The following NKX6-3 variants were observed in gnomAD, a reference collection of about 807,000 sequenced individuals.
NKX6-3 encodes NK6 homeobox 3.
A neutral mutation model predicts 22.0 loss-of-function variants in NKX6-3; 17 were observed. That is an observed-to-expected ratio of 0.77 (90% CI 0.53 to 1.16). The LOEUF (loss-of-function observed/expected upper bound fraction) is 1.16. NKX6-3 is among the 50% of genes most tolerant of loss of function. The pLI, the probability that NKX6-3 is intolerant of heterozygous loss-of-function variation, is 0.00. For synonymous variants in NKX6-3, 177 were observed against 167.2 expected (o/e 1.06, Z -0.45); for missense variants, 363 against 359.0 (o/e 1.01, Z -0.09).
intron 1 of NKX6-3, among the ~76,000 whole-genome samples, chr8:41,649,656 C>G (rs1014765487): frequency 6.6e-6 from 1 of 152,186 alleles, no homozygotes; most frequent in Non-Finnish European, 1.5e-5. Context: ...GGTCAGGGTG[C>G]GTTCTGCACC....
At chr8:41,648,662 A>C (rs1804258410) in intron 1 of NKX6-3, among the ~76,000 whole-genome samples, 1 of 152,226 alleles carries the variant, frequency 6.6e-6, no homozygotes. Flanking sequence ...CTTGCTCTTG[A>C]GACTCAACTT....
At chr8:41,649,216 G>A (rs181216898) in intron 1 of NKX6-3, among the ~76,000 whole-genome samples, 76 of 152,312 alleles carry the variant, frequency 5.0e-4, no homozygotes, top group Admixed American at 4.2e-3. Context: ...CACTGTGACC[G>A]GCAAGGCAGA....
intron 1 of NKX6-3, among the ~76,000 whole-genome samples, chr8:41,649,290 C>A (rs543910039): frequency 1.3e-5 from 2 of 152,092 alleles, no homozygotes; most frequent in Non-Finnish European, 2.9e-5. Flanking sequence ...CCCCCATTGG[C>A]GTAGGAGAGC....
chr8:41,646,722 C>T (rs376963013), intron 2 of NKX6-3, 28 bp from the exon 3 acceptor site: 5 of 1,526,866 alleles, frequency 3.3e-6, no homozygotes, highest in South Asian at 2.4e-5. Context: ...GTGAAGGGCA[C>T]AGGGGCACAG....
Position 41,646,283 on chromosome 8 carries a change from T to A in NKX6-3, c.*166A>T. On this transcript the variant is annotated 3_prime_UTR_variant, in exon 3 of 3. Transcript: ENST00000518699. ...CTCCTTTTCCTCCTCCTCCCCCGCC[T>A]CCCCTCCTCCTCCCCTGCACCTGCT... The A allele has an allele frequency of 1.2e-6, 1 of 811,514 alleles. No homozygotes were observed. Among genetic ancestry groups the A allele is most frequent in the Non-Finnish European group, 1.8e-6 (1 of 545,308 alleles). 50.3% of individuals were successfully genotyped at this position (811,514 alleles called of 1,614,324 possible).
chr8:41,648,302 C>A (rs1804252614), intron 1 of NKX6-3, 67 bp from the exon 2 acceptor site: 8 of 1,395,148 alleles, frequency 5.7e-6, no homozygotes, highest in Non-Finnish European at 7.7e-6. Context: ...GCACGTCTGG[C>A]AGGGCAACCA....
intron 1 of NKX6-3, 100 bp from the exon 2 acceptor site, chr8:41,648,335 T>A: frequency 9.7e-7 from 1 of 1,028,338 alleles, no homozygotes; most frequent in Non-Finnish European, 1.4e-6. Context: ...CTCTCCCTCC[T>A]GCAGAGGTTT....
In NKX6-3 at chr8:41,646,346, C is replaced by T; in HGVS notation, c.*103G>A. The T allele has an allele frequency of 6.9e-7, 1 of 1,439,896 alleles. No homozygotes were observed. Among genetic ancestry groups the T allele is most frequent in the Non-Finnish European group, 9.3e-7 (1 of 1,073,028 alleles). 89.2% of individuals were successfully genotyped at this position (1,439,896 alleles called of 1,614,324 possible). A position where few individuals can be genotyped will look rare whatever the true frequency, so the allele number is the denominator to read the frequency against. Reference sequence around the variant, plus strand: ...CGCGCCCCTCATCCAAAGAAAGACTCAGTCCCTGCGCCCCCAGGAGCGTGG... The same window carrying T: ...CGCGCCCCTCATCCAAAGAAAGACTTAGTCCCTGCGCCCCCAGGAGCGTGG... On this transcript the variant is annotated 3_prime_UTR_variant, in exon 3 of 3. Coordinates refer to ENST00000518699, the MANE Select transcript of NKX6-3 (RefSeq NM_001364841.2).
Position 41,650,647 on chromosome 8 carries a change from G to C in NKX6-3, c.-155C>G. 4 of 772,622 alleles carry C rather than the reference G, an allele frequency of 5.2e-6. No individual in the cohort carries two copies. The highest frequency in any genetic ancestry group is 5.5e-5 in the East Asian group (2 of 36,254). 47.9% of individuals were successfully genotyped at this position (772,622 alleles called of 1,614,324 possible). ...AAGGCATGGGCCAGGCCCTGGCCCA[G>C]GAACCGGCACCCGATCAGCTGCTCG... On this transcript the variant is annotated 5_prime_UTR_variant, in exon 1 of 3. Coordinates refer to ENST00000518699, the MANE Select transcript of NKX6-3 (RefSeq NM_001364841.2).
Position 41,650,236 on chromosome 8 carries a change from TGCGA to T in NKX6-3, c.253_256del (p.Ser85ArgfsTer9). 1 of 1,533,514 alleles carries T rather than the reference TGCGA, an allele frequency of 6.5e-7. No homozygotes were observed. Among genetic ancestry groups the T allele is most frequent in the Non-Finnish European group, 8.7e-7 (1 of 1,145,682 alleles). 95.0% of individuals were successfully genotyped at this position (1,533,514 alleles called of 1,614,324 possible). A position where few individuals can be genotyped will look rare whatever the true frequency, so the allele number is the denominator to read the frequency against. ...TACCTGGGGGCTGTAGTAGACCCCC[TGCGA>T]GCTGAGCCCCCCAAAGCCTGCCACG... On this transcript the variant is annotated frameshift_variant, in exon 1 of 3. Coordinates refer to ENST00000518699, the MANE Select transcript of NKX6-3 (RefSeq NM_001364841.2). LOFTEE classifies it high-confidence loss of function.
chr8:41,649,726 G>C (rs1362600648), intron 1 of NKX6-3, among the ~76,000 whole-genome samples: 1 of 152,230 alleles, frequency 6.6e-6, no homozygotes, highest in African/African-American at 2.4e-5. Context: ...CACGGGGGTA[G>C]CATTTGCCTG....
At chr8:41,649,942 G>A (rs1216002005) in intron 1 of NKX6-3, among the ~76,000 whole-genome samples, 169 bp downstream of exon 1, 1 of 152,168 alleles carries the variant, frequency 6.6e-6, no homozygotes, top group African/African-American at 2.4e-5. Flanking sequence ...TGGGAAGGAG[G>A]AGAGGGTGGA....
chr8:41,647,146 G>A, intron 2 of NKX6-3: 1 of 1,593,770 alleles, frequency 6.3e-7, no homozygotes, highest in Non-Finnish European at 8.6e-7. Context: ...AGTTAGAAAA[G>A]TAACGTAGGT....
In NKX6-3 at chr8:41,650,060, C is replaced by G. The variant is rs140276568; in HGVS notation, c.382+51G>C. ...AGGAGGCCCCTCCTCGTCCTCTGCC[C>G]CCCGGGGCCTGGCGGGTGCCGGGAG... is the stretch of plus-strand genomic sequence containing the variant. On this transcript the variant is annotated intron_variant, in intron 1 of 2. Transcript: ENST00000518699. The G allele has an allele frequency of 2.1e-4, 317 of 1,492,804 alleles. 1 individual carries two copies. Among genetic ancestry groups the G allele is most frequent in the Non-Finnish European group, 2.7e-4 (299 of 1,125,344 alleles). 92.5% of individuals were successfully genotyped at this position (1,492,804 alleles called of 1,614,324 possible).
chr8:41,646,479 C>G lies in NKX6-3; in HGVS notation c.768G>C (p.Ser256=), dbSNP rs150233546. 8 of 1,606,858 alleles carry G rather than the reference C, an allele frequency of 5.0e-6. No individual in the cohort carries two copies. In the African/African-American group the frequency reaches 1.1e-4, roughly 21 times the overall value. Residue 256 remains serine, a synonymous_variant, in exon 3 of 3, where the codon TCG becomes TCC. Coordinates refer to ENST00000518699, the MANE Select transcript of NKX6-3 (RefSeq NM_001364841.2). Reference sequence around the variant, plus strand: ...CGCTGTGCGCTCCCAGGCTGAGCACCGAGAAGGCGGCGCGGTGCTTGCGCA... The same window carrying G: ...CGCTGTGCGCTCCCAGGCTGAGCACGGAGAAGGCGGCGCGGTGCTTGCGCA... ...LLLRKHRAAF[S]VLSLGAHSV
At chr8:41,646,932 CCTCCCCCTCCCCTCCCCCT>C (rs1196019719) in intron 2 of NKX6-3, among the ~76,000 whole-genome samples, 822 of 27,386 alleles carry the variant, frequency 0.03, 28 homozygotes, top group Non-Finnish European at 0.047. Context: ...TCTCCCTCCC[CCTCCCCCTCCCCTCCCCCT>C]CCCCCTCCCC....
intron 1 of NKX6-3, 52 bp downstream of exon 1, chr8:41,650,059 C>A (rs1804285014): frequency 6.7e-7 from 1 of 1,490,274 alleles, no homozygotes; most frequent in Non-Finnish European, 8.9e-7. Context: ...CGTCCTCTGC[C>A]CCCCGGGGCC....
At position 41,646,598 on chromosome 8, in the gene NKX6-3, C is replaced by G; in HGVS notation, c.649G>C (p.Ala217Pro). Residue 217 changes from alanine (A) to proline (P), a missense_variant, in exon 3 of 3, where the codon GCA (alanine) becomes CCA (proline). Transcript: ENST00000518699. The stretch of plus-strand genomic sequence containing the variant: ...TCCGAGGGTGCGCGGTCCCCGCCTG[C>G]GCCTGCACCCGCGCCGCCCGGGGCC... ...PRAPGGAGAG[A>P]GGDRAPSENE... 1 of 1,570,524 alleles carries G rather than the reference C, an allele frequency of 6.4e-7. No individual in the cohort carries two copies. Among genetic ancestry groups the G allele is most frequent in the Non-Finnish European group, 8.6e-7 (1 of 1,158,836 alleles).
chr8:41,647,993 T>A, intron 2 of NKX6-3, 73 bp downstream of exon 2: 1 of 1,350,644 alleles, frequency 7.4e-7, no homozygotes, highest in Non-Finnish European at 1.0e-6. Context: ...TGGCCACCTC[T>A]CTCCAACGCA....
Sources: allele counts gnomAD v4.1 joint callset (sites outside exome capture counted in the v4.1 genomes callset), GRCh38; gene constraint gnomAD v4.1.1; transcripts MANE v1.5; gene names NCBI Gene and HGNC (gene_info 2026-07-23, HGNC 2026-07-21).